VDAC2: variants seen among roughly 807,000 people sequenced by gnomAD.
VDAC2 encodes non-selective voltage-gated ion channel VDAC2.
In VDAC2, 6 loss-of-function variants were observed where a neutral mutation model predicts 36.6. That is an observed-to-expected ratio of 0.16 (90% CI 0.09 to 0.32). The LOEUF (loss-of-function observed/expected upper bound fraction) is 0.32. Among genes scored for constraint, VDAC2 ranks in the 10% least tolerant of loss-of-function variants. VDAC2 has a pLI of 1.00. For synonymous variants in VDAC2, 109 were observed against 123.8 expected, an observed-to-expected ratio of 0.88 and a Z score of 0.79; for missense variants, 247 against 346.0, an observed-to-expected ratio of 0.71 and a Z score of 2.27.
intron 8 of VDAC2, among the ~76,000 whole-genome samples, chr10:75,228,374 C>T (rs971151654): frequency 6.6e-6 from 1 of 152,000 alleles, no homozygotes; most frequent in African/African-American, 2.4e-5. Flanking sequence ...CTTCCACTCA[C>T]CCCCCACTTC....
intron 6 of VDAC2, among the ~76,000 whole-genome samples, chr10:75,220,208 C>A (rs549660438): frequency 6.8e-6 from 1 of 147,618 alleles, no homozygotes; most frequent in Non-Finnish European, 1.5e-5. Flanking sequence ...TGGGTTGAAG[C>A]GATTCTCCTG....
intron 6 of VDAC2, among the ~76,000 whole-genome samples, chr10:75,220,008 G>T (rs1841761147): frequency 6.9e-6 from 1 of 144,896 alleles, no homozygotes; most frequent in African/African-American, 2.6e-5. Flanking sequence ...TTGTATTTTT[G>T]GTAGAGACAG....
chr10:75,222,739 G>C (rs1318568569), intron 8 of VDAC2, among the ~76,000 whole-genome samples: 3 of 151,520 alleles, frequency 2.0e-5, no homozygotes. Flanking sequence ...AAGGCTCTCT[G>C]TTGTCGAGGC....
intron 8 of VDAC2, among the ~76,000 whole-genome samples, 169 bp downstream of exon 8, chr10:75,222,571 T>C (rs1264962945): frequency 6.6e-6 from 1 of 152,216 alleles, no homozygotes; most frequent in Non-Finnish European, 1.5e-5. Context: ...TGTTAGACGT[T>C]TTATTTCCAG....
chr10:75,225,220 A>T (rs1044809756), intron 8 of VDAC2, among the ~76,000 whole-genome samples: 10 of 152,244 alleles, frequency 6.6e-5, no homozygotes, highest in Non-Finnish European at 1.5e-5. Flanking sequence ...AGGTACAAAT[A>T]ACAGTAGATC....
Position 75,220,244 on chromosome 10 carries a change from T to C in VDAC2, c.357-499T>C, listed in dbSNP as rs896608525. Among the ~76,000 whole-genome samples, 154 of 152,250 alleles carry C rather than the reference T, an allele frequency of 1.0e-3. 1 individual carries two copies. Among genetic ancestry groups the C allele is most frequent in the African/African-American group, 3.6e-3 (151 of 41,550 alleles). Reference sequence around the variant, plus strand: ...CCTCAGCCTCCTGAGTAGCTGGGATTACAGGCATATGCCACCGTGCCTGGC... The same window carrying C: ...CCTCAGCCTCCTGAGTAGCTGGGATCACAGGCATATGCCACCGTGCCTGGC... On this transcript the variant is annotated intron_variant, in intron 6 of 9. Transcript: ENST00000332211.
intron 8 of VDAC2, among the ~76,000 whole-genome samples, chr10:75,225,144 G>T (rs1464554573): frequency 2.0e-5 from 3 of 152,198 alleles, no homozygotes; most frequent in Admixed American, 6.5e-5. Flanking sequence ...CCTATGGAAA[G>T]TGACTGGCCT....
At chr10:75,212,179 A>T (rs746071042) in intron 2 of VDAC2, 51 bp from the exon 3 acceptor site, 2 of 1,504,978 alleles carry the variant, frequency 1.3e-6, no homozygotes, top group Non-Finnish European at 1.8e-6. Flanking sequence ...GTTCTTGGAT[A>T]GAAGGTGGGA....
chr10:75,227,926 G>A (rs1360397093), intron 8 of VDAC2, among the ~76,000 whole-genome samples: 2 of 141,088 alleles, frequency 1.4e-5, no homozygotes, highest in Admixed American at 7.4e-5. Context: ...GCGGAGTCTC[G>A]CTCAGTAGCC....
upstream of VDAC2, among the ~76,000 whole-genome samples, chr10:75,210,465 TCGCCCCGGCCACGCGCCGACGCCC>T (rs1269995472): frequency 1.3e-5 from 2 of 152,158 alleles, no homozygotes; most frequent in African/African-American, 2.4e-5. Flanking sequence ...CCGCGCCCTA[TCGCCCCGGCCACGCGCCGACGCCC>T]CGCCCCGTCC....
At chr10:75,222,498 C>T (rs1168862457) in intron 8 of VDAC2, 96 bp downstream of exon 8, 2 of 1,472,138 alleles carry the variant, frequency 1.4e-6, no homozygotes, top group Non-Finnish European at 9.3e-7. Context: ...TGATTTCACA[C>T]AGTCCCCAGT....
chr10:75,212,897 G>A (rs540981096), intron 3 of VDAC2, among the ~76,000 whole-genome samples: 3 of 152,130 alleles, frequency 2.0e-5, no homozygotes, highest in Admixed American at 6.5e-5. Flanking sequence ...CTAGAGTTAC[G>A]ATATATTACT....
intron 8 of VDAC2, among the ~76,000 whole-genome samples, chr10:75,228,084 C>T (rs1273381675): frequency 3.3e-5 from 5 of 151,514 alleles, no homozygotes; most frequent in Non-Finnish European, 4.4e-5. Flanking sequence ...TTAGTAGAGA[C>T]GGGGTTTCAC....
At chr10:75,213,214 G>A (rs1841485178) in intron 3 of VDAC2, among the ~76,000 whole-genome samples, 2 of 150,778 alleles carry the variant, frequency 1.3e-5, no homozygotes, top group African/African-American at 4.8e-5. Context: ...TGGTAACTGG[G>A]ATTACAGGCA....
chr10:75,223,873 C>T (rs921890069), intron 8 of VDAC2, among the ~76,000 whole-genome samples: 3 of 152,114 alleles, frequency 2.0e-5, no homozygotes, highest in African/African-American at 7.2e-5. Flanking sequence ...GGACAGAGGT[C>T]AGTGAGCTAG....
intron 4 of VDAC2, among the ~76,000 whole-genome samples, chr10:75,217,017 G>C (rs1203675945): frequency 6.6e-6 from 1 of 152,156 alleles, no homozygotes; most frequent in African/African-American, 2.4e-5. Flanking sequence ...CGCTTTGGGA[G>C]GCCAAGGCAG....
At chr10:75,210,491 GC>G (rs1841367781), upstream of VDAC2, among the ~76,000 whole-genome samples, 2 of 152,160 alleles carry the variant, frequency 1.3e-5, no homozygotes, top group Non-Finnish European at 2.9e-5. Context: ...CCGACGCCCC[GC>G]CCCGTCCGTG....
intron 8 of VDAC2, among the ~76,000 whole-genome samples, chr10:75,223,625 C>CATAG (rs545519659): frequency 1.3e-4 from 20 of 152,306 alleles, no homozygotes; most frequent in African/African-American, 4.8e-4. Flanking sequence ...CCTCTCCTGG[C>CATAG]ATAGAACTCC....
intron 4 of VDAC2, among the ~76,000 whole-genome samples, chr10:75,216,529 C>T (rs1841610439): frequency 6.6e-6 from 1 of 152,176 alleles, no homozygotes; most frequent in African/African-American, 2.4e-5. Context: ...CCAGATAAGT[C>T]CCATTAATAC....
Sources: allele counts gnomAD v4.1 joint callset (sites outside exome capture counted in the v4.1 genomes callset), GRCh38; gene constraint gnomAD v4.1.1; transcripts MANE v1.5; gene names NCBI Gene and HGNC (gene_info 2026-07-23, HGNC 2026-07-21).